Variants in RNF169 observed in about 807,000 individuals in gnomAD.
The protein encoded by RNF169 is ring finger protein 169, also known as E3 ubiquitin-protein ligase RNF169.
In RNF169, 24 loss-of-function variants were observed where a neutral mutation model predicts 53.9. The ratio of observed to expected loss-of-function variants is 0.45; its 90% CI spans 0.32 to 0.63. RNF169 has a LOEUF of 0.63. Ranked by LOEUF, RNF169 falls within the 20% of genes least tolerant of loss-of-function variation. The pLI is 0.04. For synonymous variants in RNF169, 396 were observed against 363.5 expected (o/e 1.09, Z -1.02); for missense variants, 883 against 906.2 (o/e 0.97, Z 0.33).
In RNF169 at chr11:74,836,546, G is replaced by C; in HGVS notation, c.1943G>C (p.Gly648Ala). Residue 648 changes from glycine to alanine, a missense_variant, in exon 6 of 6, where the codon GGT (glycine) becomes GCT (alanine). Physicochemically the swap from Gly to Ala is moderately conservative, Grantham distance 60 (BLOSUM62 0). Coordinates refer to ENST00000299563, the MANE Select transcript of RNF169 (RefSeq NM_001098638.2). Reference sequence around the variant, plus strand: ...CTGCGACAAACCAGTGGGGAGGTGGGTCTGGCCCCAACAGACCCAGTCCTG... The same window carrying C: ...CTGCGACAAACCAGTGGGGAGGTGGCTCTGGCCCCAACAGACCCAGTCCTG... ...KKLRQTSGEV[G>A]LAPTDPVLRE... 6.2e-7 allele frequency: 1 copy of C among 1,614,118 alleles called. No homozygotes were observed. The highest frequency in any genetic ancestry group is 8.5e-7 in the Non-Finnish European group (1 of 1,180,032).
chr11:74,836,068 G>T lies in RNF169; in HGVS notation c.1465G>T (p.Val489Phe). The T allele has an allele frequency of 6.2e-7, 1 of 1,614,134 alleles. No individual in the cohort carries two copies. The highest frequency in any genetic ancestry group is 1.3e-5 in the African/African-American group (1 of 75,026). The stretch of plus-strand genomic sequence containing the variant: ...AAATACAAGATTATCTGGTGGGCAG[G>T]TCCTCTCTGAGTATACTGGACCCAC... Reference protein sequence around the residue: ...AVNTRLSGGQVLSEYTGPTSA... With the variant: ...AVNTRLSGGQFLSEYTGPTSA... The change falls in exon 6 of 6, where the codon GTC (valine) becomes TTC (phenylalanine). Residue 489 changes from valine to phenylalanine, a missense_variant. By Grantham distance (50) the Val-to-Phe change is conservative. This residue lies in a region of RNF169 where 351 missense variants were observed against 337.3 expected (regional missense o/e 1.04). Transcript: ENST00000299563.
At chr11:74,810,105 T>C (rs1816184405) in intron 2 of RNF169, 79 bp from the exon 3 acceptor site, 1 of 1,288,786 alleles carries the variant, frequency 7.8e-7, no homozygotes, top group African/African-American at 1.5e-5. Flanking sequence ...CTGTTTGTTC[T>C]AATAAACTAC....
At chr11:74,753,247 C>G (rs1437464803) in intron 1 of RNF169, among the ~76,000 whole-genome samples, 1 of 152,046 alleles carries the variant, frequency 6.6e-6, no homozygotes. Context: ...GGATTACAGG[C>G]GGTGAGCCAC....
chr11:74,824,681 C>A (rs1048036487), intron 4 of RNF169, among the ~76,000 whole-genome samples: 2 of 152,122 alleles, frequency 1.3e-5, no homozygotes, highest in Non-Finnish European at 2.9e-5. Context: ...AAACGTGACA[C>A]AAGAGACAGG....
In RNF169 at chr11:74,836,329, G is replaced by A. The variant is rs568898878; in HGVS notation, c.1726G>A (p.Val576Met). Residue 576 changes from valine (V) to methionine (M), a missense_variant, in exon 6 of 6, where the codon GTG (valine) becomes ATG (methionine). By Grantham distance (21) the Val-to-Met change is conservative. Coordinates refer to ENST00000299563, the MANE Select transcript of RNF169 (RefSeq NM_001098638.2). ...RAMKITTVNS[V>M]LPQNSVLGGV... ...CATGAAAATCACCACAGTTAATTCA[G>A]TGCTACCCCAAAACAGTGTTTTGGG... 1 of 1,614,178 alleles carries A rather than the reference G, an allele frequency of 6.2e-7. No individual in the cohort carries two copies. Among genetic ancestry groups the A allele is most frequent in the Non-Finnish European group, 8.5e-7 (1 of 1,180,040 alleles).
chr11:74,749,417 C>A, intron 1 of RNF169, 35 bp downstream of exon 1: 1 of 1,227,924 alleles, frequency 8.1e-7, no homozygotes, highest in Non-Finnish European at 1.0e-6. Context: ...GGGTCTGGAG[C>A]GAGGCCGAGC....
At chr11:74,833,290 A>G (rs1240167629) in intron 4 of RNF169, among the ~76,000 whole-genome samples, 2 of 152,244 alleles carry the variant, frequency 1.3e-5, no homozygotes, top group African/African-American at 4.8e-5. Flanking sequence ...TAATGCTGGC[A>G]TAGTAAAACT....
intron 4 of RNF169, among the ~76,000 whole-genome samples, chr11:74,823,440 G>GA (rs1224506574): frequency 1.3e-5 from 2 of 152,054 alleles, no homozygotes; most frequent in Non-Finnish European, 2.9e-5. Flanking sequence ...TCTCAATCTA[G>GA]AAAAAATGCA....
intron 4 of RNF169, among the ~76,000 whole-genome samples, chr11:74,822,683 TG>T (rs140016673): frequency 0.017 from 2,614 of 152,298 alleles, 71 homozygotes; most frequent in African/African-American, 0.058. Flanking sequence ...GTCTATGAAT[TG>T]GGGATGATGA....
At position 74,838,676 on chromosome 11, in the gene RNF169, TG is replaced by T. The variant is rs2036293880; in HGVS notation, c.*1947del. On this transcript the variant is annotated 3_prime_UTR_variant, in exon 6 of 6. Coordinates refer to ENST00000299563, the MANE Select transcript of RNF169 (RefSeq NM_001098638.2). ...AAAACATTTACCAAACTCATGATTT[TG>T]TAGTCACACCACTTCAGTTCTGGGC... 1.3e-5 allele frequency: 2 copies of T among 152,248 alleles called. No homozygotes were observed. Among genetic ancestry groups the T allele is most frequent in the East Asian group, 3.8e-4 (2 of 5,204 alleles). 9.4% of individuals were successfully genotyped at this position (152,248 alleles called of 1,614,324 possible).
intron 4 of RNF169, among the ~76,000 whole-genome samples, chr11:74,829,510 A>G (rs2036145733): frequency 6.6e-6 from 1 of 152,194 alleles, no homozygotes; most frequent in South Asian, 2.1e-4. Flanking sequence ...ACAAAGGAAT[A>G]TATATCATTC....
intron 1 of RNF169, among the ~76,000 whole-genome samples, chr11:74,754,799 G>A (rs1243316318): frequency 3.9e-5 from 6 of 152,166 alleles, no homozygotes; most frequent in Admixed American, 2.0e-4. Flanking sequence ...CAGTCTGGGC[G>A]ACAGAGCGAG....
chr11:74,811,490 C>T (rs2035875058), intron 3 of RNF169, among the ~76,000 whole-genome samples: 1 of 152,142 alleles, frequency 6.6e-6, no homozygotes, highest in African/African-American at 2.4e-5. Context: ...CCACCTCGGC[C>T]TCCCAAAGTG....
At chr11:74,814,730 C>T (rs2035920879) in intron 3 of RNF169, among the ~76,000 whole-genome samples, 2 of 151,998 alleles carry the variant, frequency 1.3e-5, no homozygotes, top group South Asian at 4.2e-4. Flanking sequence ...CATCATTATT[C>T]AGTGGTCTTA....
At chr11:74,794,775 C>CT (rs1004936246) in intron 2 of RNF169, among the ~76,000 whole-genome samples, 55 of 152,184 alleles carry the variant, frequency 3.6e-4, no homozygotes, top group African/African-American at 1.2e-3. Flanking sequence ...GTGTTATAGT[C>CT]TAAGGCTAAA....
At chr11:74,779,441 A>G (rs2035384712) in intron 1 of RNF169, among the ~76,000 whole-genome samples, 1 of 152,162 alleles carries the variant, frequency 6.6e-6, no homozygotes, top group South Asian at 2.1e-4. Flanking sequence ...TTCCCAGGTA[A>G]ACACTCTATA....
chr11:74,785,197 GA>G (rs372901754), intron 1 of RNF169, among the ~76,000 whole-genome samples: 10 of 111,066 alleles, frequency 9.0e-5, no homozygotes, highest in South Asian at 5.1e-4. Context: ...ATATATATAT[GA>G]TATATATATA....
At chr11:74,828,028 A>G (rs570524894) in intron 4 of RNF169, among the ~76,000 whole-genome samples, 1 of 152,348 alleles carries the variant, frequency 6.6e-6, no homozygotes, top group South Asian at 2.1e-4. Flanking sequence ...AAATAGGAAG[A>G]GAGGAACTCA....
intron 1 of RNF169, among the ~76,000 whole-genome samples, chr11:74,760,675 A>G (rs1332269768): frequency 1.3e-3 from 173 of 136,572 alleles, no homozygotes; most frequent in Admixed American, 1.9e-3. Context: ...GGTCTGAGAG[A>G]TAGTTTGTTA....
Sources: allele counts gnomAD v4.1 joint callset (sites outside exome capture counted in the v4.1 genomes callset), GRCh38; gene constraint gnomAD v4.1.1; regional missense constraint gnomAD v4.1.1; transcripts MANE v1.5; gene names NCBI Gene and HGNC (gene_info 2026-07-23, HGNC 2026-07-21).